Variants in OR1B1 observed in about 807,000 individuals in gnomAD.
The protein encoded by OR1B1 is olfactory receptor 1B1.
For missense variants in OR1B1, 414 were observed against 402.1 expected, an observed-to-expected ratio of 1.03 and a Z score of -0.25; for synonymous variants, 168 against 156.2, an observed-to-expected ratio of 1.08 and a Z score of -0.57.
chr9:122,641,700 T>A, the OR1B1 span, among the ~76,000 whole-genome samples: 1 of 152,186 alleles, frequency 6.6e-6, no homozygotes, highest in African/African-American at 2.4e-5. Flanking sequence ...ATGGTGACTA[T>A]AGTTATCAAC....
the OR1B1 span, among the ~76,000 whole-genome samples, chr9:122,647,379 A>G: frequency 1.3e-5 from 2 of 152,120 alleles, no homozygotes; most frequent in Non-Finnish European, 2.9e-5. Flanking sequence ...CAACATACCA[A>G]AACCTATGGG....
At chr9:122,630,113 T>C (rs980090321), upstream of OR1B1, among the ~76,000 whole-genome samples, 31 of 152,178 alleles carry the variant, frequency 2.0e-4, no homozygotes, top group Non-Finnish European at 2.1e-4. Flanking sequence ...AACATAGTAA[T>C]AGAAGTTCTA....
chr9:122,644,605 TC>T, the OR1B1 span, among the ~76,000 whole-genome samples: 1 of 152,166 alleles, frequency 6.6e-6, no homozygotes, highest in Admixed American at 6.5e-5. Flanking sequence ...CATCACCACA[TC>T]CCCAGTTCCA....
upstream of OR1B1, among the ~76,000 whole-genome samples, chr9:122,631,438 A>G (rs888619624): frequency 6.6e-5 from 10 of 152,210 alleles, no homozygotes; most frequent in Non-Finnish European, 1.2e-4. Flanking sequence ...CGGCCTCCCA[A>G]AGTGCTGGGA....
At chr9:122,655,855 A>C in the OR1B1 span, among the ~76,000 whole-genome samples, 2 of 151,876 alleles carry the variant, frequency 1.3e-5, no homozygotes, top group Non-Finnish European at 1.5e-5. Flanking sequence ...AAAAAAAAAA[A>C]GTCCTATTTT....
the OR1B1 span, among the ~76,000 whole-genome samples, chr9:122,638,836 G>T: frequency 6.6e-6 from 1 of 152,138 alleles, no homozygotes; most frequent in South Asian, 2.1e-4. Flanking sequence ...TGATTGAAGG[G>T]ATCTAGAGCA....
At chr9:122,641,369 C>T in the OR1B1 span, among the ~76,000 whole-genome samples, 1 of 152,010 alleles carries the variant, frequency 6.6e-6, no homozygotes, top group Non-Finnish European at 1.5e-5. Context: ...TCCATGTTTC[C>T]AAAAGTAATT....
the OR1B1 span, among the ~76,000 whole-genome samples, chr9:122,634,726 T>G: frequency 6.6e-6 from 1 of 152,122 alleles, no homozygotes; most frequent in Non-Finnish European, 1.5e-5. Flanking sequence ...AGAACCTGAA[T>G]AAATATGCAT....
At chr9:122,653,329 C>A in the OR1B1 span, among the ~76,000 whole-genome samples, 4 of 152,158 alleles carry the variant, frequency 2.6e-5, no homozygotes, top group Non-Finnish European at 4.4e-5. Flanking sequence ...CTAACCAAGT[C>A]TGAGTTGTAA....
At chr9:122,655,245 C>T in the OR1B1 span, among the ~76,000 whole-genome samples, 3 of 152,112 alleles carry the variant, frequency 2.0e-5, no homozygotes, top group Admixed American at 6.6e-5. Context: ...ATACAGCATC[C>T]ACCTTTAACT....
the OR1B1 span, among the ~76,000 whole-genome samples, chr9:122,654,071 T>C: frequency 1.3e-5 from 2 of 152,182 alleles, no homozygotes; most frequent in African/African-American, 4.8e-5. Context: ...TATTTTTTAA[T>C]TGATCACCAA....
At chr9:122,642,987 T>G in the OR1B1 span, among the ~76,000 whole-genome samples, 1 of 152,206 alleles carries the variant, frequency 6.6e-6, no homozygotes, top group Non-Finnish European at 1.5e-5. Context: ...GCCTGGCATG[T>G]ACTAAAAGGC....
At chr9:122,645,673 A>G in the OR1B1 span, among the ~76,000 whole-genome samples, 7 of 150,360 alleles carry the variant, frequency 4.7e-5, no homozygotes, top group East Asian at 1.2e-3. Context: ...CTAGAATAGT[A>G]TAGAATAGTA....
chr9:122,629,380 G>T (rs1381928275), exon 1 of OR1B1: 2 of 1,613,986 alleles, frequency 1.2e-6, no homozygotes, highest in South Asian at 2.2e-5. Flanking sequence ...TGGAGTCCCA[G>T]GAGATGAGCA....
chr9:122,634,363 A>C (rs1018278596), upstream of OR1B1, among the ~76,000 whole-genome samples: 3 of 151,650 alleles, frequency 2.0e-5, no homozygotes, highest in Non-Finnish European at 3.0e-5. Context: ...AAGAAAAAAC[A>C]GAAGAAAAAA....
the OR1B1 span, among the ~76,000 whole-genome samples, chr9:122,636,939 G>T: frequency 6.6e-6 from 1 of 152,238 alleles, no homozygotes. Flanking sequence ...TCCGTTAAGA[G>T]AGTATTTTTG....
chr9:122,651,349 C>T, the OR1B1 span, among the ~76,000 whole-genome samples: 3 of 152,136 alleles, frequency 2.0e-5, no homozygotes, highest in Non-Finnish European at 2.9e-5. Context: ...TCTAGCTATT[C>T]GAAACTACGT....
chr9:122,635,126 C>T, the OR1B1 span, among the ~76,000 whole-genome samples: 6 of 152,082 alleles, frequency 3.9e-5, no homozygotes, highest in African/African-American at 1.2e-4. Flanking sequence ...ATGGAAACAA[C>T]CTAAGTGTCT....
At chr9:122,653,372 T>G in the OR1B1 span, among the ~76,000 whole-genome samples, 1 of 152,192 alleles carries the variant, frequency 6.6e-6, no homozygotes, top group Non-Finnish European at 1.5e-5. Flanking sequence ...CTGTGTGATC[T>G]TTGGAAAATA....
Sources: gnomAD v4.1 joint callset for allele counts (sites outside exome capture counted in the v4.1 genomes callset) on GRCh38, gnomAD v4.1.1 for gene constraint, MANE v1.5 for transcripts, NCBI Gene and HGNC (gene_info 2026-07-23, HGNC 2026-07-21) for gene names.